Variants in NEXN observed in about 807,000 individuals in gnomAD.
NEXN encodes the protein nexilin.
Under a neutral mutation model 92.6 loss-of-function variants are expected in NEXN, and 65 were observed. That is an observed-to-expected ratio of 0.70 (90% CI 0.57 to 0.86). NEXN has a LOEUF of 0.86. NEXN is among the 40% of genes least tolerant of loss of function. The pLI is 0.00. For synonymous variants in NEXN, 254 were observed against 242.5 expected (o/e 1.05, Z -0.44); for missense variants, 778 against 771.1 (o/e 1.01, Z -0.11).
intron 1 of NEXN, among the ~76,000 whole-genome samples, chr1:77,908,417 T>TTTTA (rs1648315910): frequency 7.3e-6 from 1 of 137,364 alleles, no homozygotes; most frequent in Non-Finnish European, 1.5e-5. Flanking sequence ...TTTTTTTTTT[T>TTTTA]GAGACAGAGT....
chr1:77,901,108 C>A (rs1178425101), intron 1 of NEXN, among the ~76,000 whole-genome samples: 6 of 152,124 alleles, frequency 3.9e-5, no homozygotes, highest in Admixed American at 2.6e-4. Flanking sequence ...TGTAACTCAG[C>A]AAATCTCAAA....
rs946466572 is a variant in NEXN at position 77,921,928 on chromosome 1, C to A, written c.448-3260C>A. On this transcript the variant is annotated intron_variant, in intron 5 of 12. Coordinates refer to ENST00000334785, the MANE Select transcript of NEXN (RefSeq NM_144573.4). ...GACCCTGCTGTCTCTACAAAAAAAT[C>A]TACCAAAAAAGTCTTTTTTTGTAGA... 2.6e-5 allele frequency among the ~76,000 whole-genome samples: 4 copies of A among 151,856 alleles called. No homozygotes were observed. In the South Asian group the frequency reaches 8.3e-4, roughly 32 times the overall value.
chr1:77,906,052 C>T (rs1470366148), intron 1 of NEXN, among the ~76,000 whole-genome samples: 1 of 151,748 alleles, frequency 6.6e-6, no homozygotes, highest in East Asian at 1.9e-4. Context: ...AAGCTGGGGG[C>T]AAACAACATC....
intron 11 of NEXN, chr1:77,941,705 T>C (rs540574621): frequency 6.4e-5 from 23 of 357,658 alleles, no homozygotes; most frequent in Non-Finnish European, 9.5e-5. Flanking sequence ...TTATTTAGAA[T>C]GTATAGCATT....
At position 77,929,474 on chromosome 1, in the gene NEXN, G is replaced by GA. The variant is rs1291812915; in HGVS notation, c.1025dup (p.Ala343GlyfsTer4). 6.2e-7 allele frequency: 1 copy of GA among 1,613,036 alleles called. No individual in the cohort carries two copies. The highest frequency in any genetic ancestry group is 8.5e-7 in the Non-Finnish European group (1 of 1,179,818). On this transcript the variant is annotated frameshift_variant, in exon 9 of 13. Transcript: ENST00000334785. LOFTEE classifies it high-confidence loss of function. ...CCAGAAGGAGAATAGAGGAAGAAAA[G>GA]AAGGCGTTTGCTGAAGCAAGGAGAA... is the stretch of plus-strand genomic sequence containing the variant.
intron 9 of NEXN, chr1:77,931,617 C>G (rs1327931953): frequency 1.3e-5 from 2 of 151,978 alleles, no homozygotes; most frequent in African/African-American, 4.8e-5. Flanking sequence ...GAGAGAAAAC[C>G]TTCCTCTTAC....
chr1:77,895,559 C>A (rs539958049), intron 1 of NEXN, among the ~76,000 whole-genome samples: 1 of 152,190 alleles, frequency 6.6e-6, no homozygotes, highest in African/African-American at 2.4e-5. Context: ...TTAAGTATTA[C>A]GTTTAAAATC....
At chr1:77,932,838 A>C (rs1650414945) in intron 9 of NEXN, among the ~76,000 whole-genome samples, 1 of 152,142 alleles carries the variant, frequency 6.6e-6, no homozygotes, top group South Asian at 2.1e-4. Flanking sequence ...GTTTACTGTT[A>C]AGTCCCCTTG....
At position 77,918,202 on chromosome 1, in the gene NEXN, A is replaced by C. The variant is rs1013976922; in HGVS notation, c.376A>C (p.Lys126Gln). 1 of 1,614,186 alleles carries C rather than the reference A, an allele frequency of 6.2e-7. No homozygotes were observed. The highest frequency in any genetic ancestry group is 1.1e-5 in the South Asian group (1 of 91,088). Residue 126 changes from lysine (K) to glutamine (Q), a missense_variant, in exon 5 of 13, where the codon AAA (lysine) becomes CAA (glutamine). Around this residue, in one of 3 missense-constraint regions of NEXN, gnomAD observed 236 missense variants for 265.6 expected, o/e 0.89. Coordinates refer to ENST00000334785, the MANE Select transcript of NEXN (RefSeq NM_144573.4). ...EQRKRTEEERKRRIEQDMLEK... is the reference protein window; with the variant it reads ...EQRKRTEEERQRRIEQDMLEK... ...AAGGAAGAGAACGGAGGAGGAACGA[A>C]AACGCAGAATTGAGCAGGATATGTT...
In NEXN at chr1:77,943,421, T is replaced by C; in HGVS notation, c.*592T>C. The C allele has an allele frequency of 6.1e-6, 1 of 163,654 alleles. No homozygotes were observed. Among genetic ancestry groups the C allele is most frequent in the Non-Finnish European group, 1.3e-5 (1 of 75,124 alleles). The allele number at this position is 163,654 out of a possible 1,614,324, so 10.1% of individuals were successfully genotyped here. On this transcript the variant is annotated 3_prime_UTR_variant, in exon 13 of 13. Transcript: ENST00000334785. ...GGTTGTTGTAGTTTCAAAGTCTTTC[T>C]GAAGCAGATATATTGGGATTGGAGC... is the stretch of plus-strand genomic sequence containing the variant.
intron 2 of NEXN, among the ~76,000 whole-genome samples, chr1:77,917,250 G>T (rs1649050743): frequency 6.6e-6 from 1 of 152,080 alleles, no homozygotes. Flanking sequence ...AAAGACAGTT[G>T]TTTTTAATTA....
intron 1 of NEXN, among the ~76,000 whole-genome samples, chr1:77,895,828 G>A (rs952687414): frequency 2.0e-5 from 3 of 151,982 alleles, no homozygotes; most frequent in Admixed American, 2.0e-4. Context: ...TAGTGCCATT[G>A]CACTCCAGCC....
chr1:77,921,900 C>T (rs1386894169), intron 5 of NEXN, among the ~76,000 whole-genome samples: 1 of 152,070 alleles, frequency 6.6e-6, no homozygotes, highest in Non-Finnish European at 1.5e-5. Context: ...GGCAACACAG[C>T]AAGACCCTGC....
intron 1 of NEXN, among the ~76,000 whole-genome samples, chr1:77,911,638 A>T (rs955626102): frequency 1.3e-5 from 2 of 152,118 alleles, no homozygotes; most frequent in Admixed American, 1.3e-4. Flanking sequence ...GTTATTTAAA[A>T]TATTCTATAA....
chr1:77,930,478 G>A (rs1228451312), intron 9 of NEXN, among the ~76,000 whole-genome samples: 2 of 152,130 alleles, frequency 1.3e-5, no homozygotes, highest in African/African-American at 2.4e-5. Flanking sequence ...ATTCTTTCCT[G>A]TAAGGCCAGG....
chr1:77,923,001 G>A (rs545019074), intron 5 of NEXN, among the ~76,000 whole-genome samples: 63 of 138,506 alleles, frequency 4.5e-4, no homozygotes, highest in Non-Finnish European at 6.1e-4. Flanking sequence ...GAAATTGGGT[G>A]TCTTTTTTTT....
rs1325303186 is a variant in NEXN, at chr1:77,943,240, A to C, written c.*411A>C. The C allele has an allele frequency of 8.9e-6, 2 of 224,816 alleles. No individual in the cohort carries two copies. Among genetic ancestry groups the C allele is most frequent in the Non-Finnish European group, 1.8e-5 (2 of 111,490 alleles). 13.9% of individuals were successfully genotyped at this position (224,816 alleles called of 1,614,324 possible). ...AACTATGTTTAAAAAACAAAAACAAAAAAAAAACACACAAACCTAAGTAGA... is the reference window on the plus strand; with the variant it reads ...AACTATGTTTAAAAAACAAAAACAACAAAAAAACACACAAACCTAAGTAGA... On this transcript the variant is annotated 3_prime_UTR_variant, in exon 13 of 13. Transcript: ENST00000334785.
At chr1:77,940,355 T>C (rs1266116255) in intron 11 of NEXN, among the ~76,000 whole-genome samples, 1 of 152,214 alleles carries the variant, frequency 6.6e-6, no homozygotes, top group African/African-American at 2.4e-5. Context: ...ATAAAGAATG[T>C]ACCTACAGAA....
At position 77,942,699 on chromosome 1, in the gene NEXN, G is replaced by A. The variant is rs768461695; in HGVS notation, c.1898G>A (p.Arg633Lys). ...QDGEDYQYIERGETYCLYLPE... is the reference protein window; with the variant it reads ...QDGEDYQYIEKGETYCLYLPE... Reference sequence around the variant, plus strand: ...GGAGAAGACTATCAATATATTGAAAGGGGAGAAACTTACTGCCTTTACTTA... The same window carrying A: ...GGAGAAGACTATCAATATATTGAAAAGGGAGAAACTTACTGCCTTTACTTA... The change falls in exon 13 of 13, where the codon AGG (arginine) becomes AAG (lysine). Residue 633 changes from arginine to lysine, a missense_variant. By Grantham distance (26) the Arg-to-Lys change is conservative. Transcript: ENST00000334785. The A allele has an allele frequency of 5.6e-6, 9 of 1,613,762 alleles. No homozygotes were observed. In the South Asian group the frequency reaches 9.9e-5, roughly 18 times the overall value.
Sources: gnomAD v4.1 joint callset for allele counts (sites outside exome capture counted in the v4.1 genomes callset) on GRCh38, gnomAD v4.1.1 for gene constraint, gnomAD v4.1.1 regional missense constraint, MANE v1.5 for transcripts, NCBI Gene and HGNC (gene_info 2026-07-23, HGNC 2026-07-21) for gene names.